Variants in LARP4B observed in about 807,000 individuals in gnomAD.
The protein encoded by LARP4B is la-related protein 4B.
Under a neutral mutation model 89.8 loss-of-function variants are expected in LARP4B, and 12 were observed. The observed-to-expected ratio is 0.13, with a 90% CI of 0.09 to 0.22. The LOEUF is 0.22. Among genes scored for constraint, LARP4B ranks in the 10% least tolerant of loss-of-function variants. LARP4B has a pLI of 1.00. For missense variants in LARP4B, 757 were observed against 947.7 expected (o/e 0.80, Z 2.64); for synonymous variants, 367 against 363.3 (o/e 1.01, Z -0.12).
chr10:878,219 G>C (rs940202692), intron 3 of LARP4B, among the ~76,000 whole-genome samples: 2 of 152,306 alleles, frequency 1.3e-5, no homozygotes, highest in Non-Finnish European at 2.9e-5. Flanking sequence ...CCAGAACTCA[G>C]GCTAACTGTG....
chr10:932,066 G>C (rs1288971673), upstream of LARP4B, among the ~76,000 whole-genome samples: 1 of 151,010 alleles, frequency 6.6e-6, no homozygotes, highest in Non-Finnish European at 1.5e-5. Context: ...CGGAGGGCTG[G>C]GCCCTGGTCC....
chr10:916,460 C>A (rs1836824968), intron 1 of LARP4B, among the ~76,000 whole-genome samples: 1 of 152,118 alleles, frequency 6.6e-6, no homozygotes, highest in African/African-American at 2.4e-5. Flanking sequence ...CTTTGGGAGG[C>A]CAAGGCAGGC....
At chr10:886,563 G>C (rs1201457348) in intron 1 of LARP4B, among the ~76,000 whole-genome samples, 1 of 152,118 alleles carries the variant, frequency 6.6e-6, no homozygotes, top group Non-Finnish European at 1.5e-5. Flanking sequence ...TCCATCAATG[G>C]ACAAACGGAT....
intron 5 of LARP4B, among the ~76,000 whole-genome samples, chr10:856,828 A>G (rs1834329015): frequency 6.6e-6 from 1 of 152,216 alleles, no homozygotes; most frequent in African/African-American, 2.4e-5. Flanking sequence ...CTCAGGAAAG[A>G]CAGTTTAACC....
chr10:964,106 G>T, the LARP4B span, among the ~76,000 whole-genome samples: 1 of 152,160 alleles, frequency 6.6e-6, no homozygotes, highest in Admixed American at 6.5e-5. Context: ...TCGCTCTGTT[G>T]CCCAGGCTAG....
the LARP4B span, chr10:988,323 G>A: frequency 4.7e-6 from 3 of 643,318 alleles, no homozygotes; most frequent in Non-Finnish European, 8.4e-6. Flanking sequence ...GGGCGGGTGC[G>A]CTGTGCGACG....
intron 3 of LARP4B, among the ~76,000 whole-genome samples, 196 bp from the exon 4 acceptor site, chr10:864,466 C>T (rs1293461653): frequency 6.6e-6 from 1 of 151,290 alleles, no homozygotes; most frequent in Non-Finnish European, 1.5e-5. Context: ...AAATTCCCCC[C>T]AAGTTTTAAG....
the LARP4B span, among the ~76,000 whole-genome samples, chr10:941,871 G>C: frequency 2.6e-5 from 4 of 151,992 alleles, no homozygotes; most frequent in African/African-American, 9.7e-5. Context: ...TAACTCCTGG[G>C]CTCAAGCGAT....
intron 1 of LARP4B, among the ~76,000 whole-genome samples, chr10:900,942 G>T (rs946511154): frequency 2.1e-5 from 2 of 93,136 alleles, no homozygotes; most frequent in Non-Finnish European, 4.3e-5. Flanking sequence ...TTTTTGAGAC[G>T]GAGTCTTGCT....
chr10:883,155 A>ATGT (rs1835737667), intron 3 of LARP4B, among the ~76,000 whole-genome samples: 1 of 152,216 alleles, frequency 6.6e-6, no homozygotes, highest in African/African-American at 2.4e-5. Flanking sequence ...AGGGATATCT[A>ATGT]CTTTATGTCT....
chr10:945,637 A>G, the LARP4B span, among the ~76,000 whole-genome samples: 1 of 150,596 alleles, frequency 6.6e-6, no homozygotes, highest in East Asian at 2.0e-4. Context: ...GCAGTGAGCC[A>G]GGATCACGCC....
In LARP4B at chr10:834,105, A is replaced by C. The variant is rs117452019; in HGVS notation, c.750+2298T>G. 9.2e-5 allele frequency among the ~76,000 whole-genome samples: 14 copies of C among 152,294 alleles called. No individual in the cohort carries two copies. In the East Asian group the frequency reaches 2.3e-3, roughly 25 times the overall value. ...AGGAAAAACAGCAACAAGGAAAAAC[A>C]GGGCCATTCCATAAAAAATTACTAG... On this transcript the variant is annotated intron_variant, in intron 8 of 17. Coordinates refer to ENST00000316157, the MANE Select transcript of LARP4B (RefSeq NM_015155.3).
chr10:862,678 T>A (rs1723074481), intron 5 of LARP4B, among the ~76,000 whole-genome samples: 1 of 151,780 alleles, frequency 6.6e-6, no homozygotes, highest in Non-Finnish European at 1.5e-5. Context: ...GAGAATGGCA[T>A]GAACTCAGTA....
At chr10:825,649 G>T in intron 12 of LARP4B, 115 bp downstream of exon 12, 1 of 688,814 alleles carries the variant, frequency 1.5e-6, no homozygotes, top group Non-Finnish European at 2.5e-6. Flanking sequence ...GCAGCTGTGT[G>T]CTTCAGGTGG....
intron 8 of LARP4B, among the ~76,000 whole-genome samples, chr10:833,339 G>A (rs1316139082): frequency 7.1e-6 from 1 of 140,372 alleles, no homozygotes; most frequent in South Asian, 2.4e-4. Flanking sequence ...ATACAAAGCC[G>A]TCCTGGGCGG....
chr10:909,574 C>T lies in LARP4B; in HGVS notation c.-40+21854G>A, dbSNP rs890535292. 4.6e-5 allele frequency among the ~76,000 whole-genome samples: 7 copies of T among 152,086 alleles called. 1 individual carries two copies. The highest frequency in any genetic ancestry group is 1.3e-4 in the Admixed American group (2 of 15,280). On this transcript the variant is annotated intron_variant, in intron 1 of 17. Coordinates refer to ENST00000316157, the MANE Select transcript of LARP4B (RefSeq NM_015155.3). ...CCAAGGCAGGTGGATCACCTGAGGG[C>T]ACGAGTTTGAGACCAGCCTGGCCAA...
At chr10:816,929 G>A (rs1429936143) in intron 15 of LARP4B, among the ~76,000 whole-genome samples, 1 of 152,174 alleles carries the variant, frequency 6.6e-6, no homozygotes, top group Non-Finnish European at 1.5e-5. Context: ...CTGCAGACCT[G>A]GGTGGGGTAG....
At chr10:938,279 C>T in the LARP4B span, among the ~76,000 whole-genome samples, 22 of 144,604 alleles carry the variant, frequency 1.5e-4, no homozygotes, top group African/African-American at 5.4e-4. Flanking sequence ...GAGACGGAGT[C>T]TCGCTCTGTC....
At chr10:930,644 G>T (rs1432511431) in intron 1 of LARP4B, among the ~76,000 whole-genome samples, 1 of 152,206 alleles carries the variant, frequency 6.6e-6, no homozygotes, top group Non-Finnish European at 1.5e-5. Context: ...CTTTCCGATG[G>T]CTTCTCTGCC....
Sources: allele counts gnomAD v4.1 joint callset (sites outside exome capture counted in the v4.1 genomes callset), GRCh38; gene constraint gnomAD v4.1.1; transcripts MANE v1.5; gene names NCBI Gene and HGNC (gene_info 2026-07-23, HGNC 2026-07-21).